The following ADAMTSL1 variants were observed in gnomAD, a reference collection of about 807,000 sequenced individuals.
ADAMTSL1 encodes ADAMTS like 1, also known as ADAMTS-like protein 1.
In ADAMTSL1, 126 loss-of-function variants were observed where a neutral mutation model predicts 201.8. The observed-to-expected ratio is 0.62, with a 90% CI of 0.54 to 0.72. ADAMTSL1 has a LOEUF of 0.72. Among genes scored for constraint, ADAMTSL1 ranks in the 30% least tolerant of loss-of-function variants. ADAMTSL1 has a pLI of 0.00. For synonymous variants in ADAMTSL1, 1,121 were observed against 903.4 expected (o/e 1.24, Z -4.32); for missense variants, 2,679 against 2,277.8 (o/e 1.18, Z -3.59).
chr9:18,547,239 G>C (rs570264328), intron 3 of ADAMTSL1, among the ~76,000 whole-genome samples: 1 of 152,190 alleles, frequency 6.6e-6, no homozygotes, highest in African/African-American at 2.4e-5. Flanking sequence ...ATTTGATGCA[G>C]AGTAAGTTAC....
chr9:18,775,656 C>G (rs1223329697), intron 17 of ADAMTSL1, 87 bp from the exon 18 acceptor site: 1 of 1,506,860 alleles, frequency 6.6e-7, no homozygotes, highest in Non-Finnish European at 9.0e-7. Context: ...GCAAATTTCT[C>G]ATATTTTGAT....
chr9:18,398,308 A>C (rs1210624770), intron 2 of ADAMTSL1, among the ~76,000 whole-genome samples: 2 of 152,200 alleles, frequency 1.3e-5, no homozygotes, highest in African/African-American at 4.8e-5. Flanking sequence ...GTATGAGGTC[A>C]TATTGAGTAA....
chr9:18,058,341 G>C (rs1822289344), intron 1 of ADAMTSL1, among the ~76,000 whole-genome samples: 1 of 152,138 alleles, frequency 6.6e-6, no homozygotes, highest in South Asian at 2.1e-4. Flanking sequence ...TCTACCAAGA[G>C]AAGAGACCAG....
chr9:18,548,880 A>T (rs894968500), intron 3 of ADAMTSL1, among the ~76,000 whole-genome samples: 4 of 152,026 alleles, frequency 2.6e-5, no homozygotes, highest in Admixed American at 6.6e-5. Context: ...TTATCCATAG[A>T]TAGGATAAAT....
At chr9:18,444,585 G>GT (rs1234090246) in intron 2 of ADAMTSL1, among the ~76,000 whole-genome samples, 4 of 152,096 alleles carry the variant, frequency 2.6e-5, no homozygotes, top group Non-Finnish European at 4.4e-5. Context: ...CAGATCCTCA[G>GT]TATTTCACCT....
chr9:18,625,298 T>A (rs377438259), intron 5 of ADAMTSL1, among the ~76,000 whole-genome samples: 1 of 151,634 alleles, frequency 6.6e-6, no homozygotes, highest in Admixed American at 6.6e-5. Context: ...CCTTATGTTA[T>A]CAAGCCTCAG....
chr9:18,301,878 A>T (rs1260395502), intron 2 of ADAMTSL1, among the ~76,000 whole-genome samples: 1 of 152,224 alleles, frequency 6.6e-6, no homozygotes, highest in East Asian at 1.9e-4. Context: ...TTGTGTGTGT[A>T]CATTATTTTG....
At chr9:17,917,518 C>G (rs1826142693) in intron 1 of ADAMTSL1, among the ~76,000 whole-genome samples, 1 of 151,934 alleles carries the variant, frequency 6.6e-6, no homozygotes, top group South Asian at 2.1e-4. Context: ...GAATGTTCAA[C>G]CTACCTTGCA....
At chr9:18,678,285 G>A (rs1830236903) in intron 10 of ADAMTSL1, among the ~76,000 whole-genome samples, 1 of 152,098 alleles carries the variant, frequency 6.6e-6, no homozygotes, top group Non-Finnish European at 1.5e-5. Context: ...TCTTGGATAT[G>A]TCTTTTTTTT....
intron 3 of ADAMTSL1, among the ~76,000 whole-genome samples, chr9:18,550,613 A>G (rs963303997): frequency 2.0e-5 from 3 of 151,872 alleles, no homozygotes; most frequent in Admixed American, 2.0e-4. Flanking sequence ...CGCAGCCTCT[A>G]AAAAGTAAGC....
chr9:17,964,503 C>G (rs571206719), intron 1 of ADAMTSL1, among the ~76,000 whole-genome samples: 22 of 152,280 alleles, frequency 1.4e-4, no homozygotes, highest in Admixed American at 3.3e-4. Context: ...GGTGACAAAA[C>G]TCTTCTGTGT....
intron 2 of ADAMTSL1, among the ~76,000 whole-genome samples, chr9:18,248,695 G>A (rs771972372): frequency 2.5e-4 from 38 of 152,124 alleles, no homozygotes; most frequent in Non-Finnish European, 4.4e-4. Flanking sequence ...TGCGGCAAAC[G>A]CATCGTCCAT....
chr9:17,991,903 G>C (rs1463487049), intron 1 of ADAMTSL1, among the ~76,000 whole-genome samples: 1 of 152,060 alleles, frequency 6.6e-6, no homozygotes, highest in East Asian at 1.9e-4. Flanking sequence ...CCCTGCCCCC[G>C]TGGTACCCTG....
At chr9:18,581,505 C>T (rs1823088254) in intron 4 of ADAMTSL1, among the ~76,000 whole-genome samples, 1 of 152,120 alleles carries the variant, frequency 6.6e-6, no homozygotes, top group Non-Finnish European at 1.5e-5. Context: ...AAGTTTTAAC[C>T]CATTTCAGAG....
At chr9:18,576,477 C>T (rs973331145) in intron 4 of ADAMTSL1, among the ~76,000 whole-genome samples, 3 of 152,136 alleles carry the variant, frequency 2.0e-5, no homozygotes, top group African/African-American at 7.2e-5. Flanking sequence ...TAATTTATTT[C>T]AAGTATACCT....
Position 18,680,341 on chromosome 9 carries a change from C to T in ADAMTSL1, c.1166C>T (p.Ser389Phe). The change falls in exon 11 of 29, where the codon TCC (serine) becomes TTC (phenylalanine). Residue 389 changes from serine (S) to phenylalanine (F), a missense_variant. Ser to Phe is a radical substitution (Grantham distance 155). Transcript: ENST00000380548. ...GAGGCCACCCCATGGACCGCGTGCT[C>T]CTCCTCGTGTGGGGGGGGCATCCAG... ...RWEATPWTACSSSCGGGIQSR... is the reference protein window; with the variant it reads ...RWEATPWTACFSSCGGGIQSR... 1 of 1,614,130 alleles carries T rather than the reference C, an allele frequency of 6.2e-7. No homozygotes were observed. Among genetic ancestry groups the T allele is most frequent in the East Asian group, 2.2e-5 (1 of 44,870 alleles).
intron 1 of ADAMTSL1, among the ~76,000 whole-genome samples, chr9:17,917,353 G>A (rs922078273): frequency 3.3e-5 from 5 of 151,946 alleles, no homozygotes; most frequent in Non-Finnish European, 7.4e-5. Flanking sequence ...TGTTAGGTGT[G>A]GGCTTTTTTG....
intron 2 of ADAMTSL1, among the ~76,000 whole-genome samples, chr9:18,518,397 T>C (rs963924185): frequency 5.3e-5 from 8 of 152,318 alleles, no homozygotes; most frequent in Non-Finnish European, 8.8e-5. Flanking sequence ...TGAAAACCTA[T>C]GGTATTTGAT....
At chr9:17,996,229 C>T (rs1819374726) in intron 1 of ADAMTSL1, among the ~76,000 whole-genome samples, 1 of 151,814 alleles carries the variant, frequency 6.6e-6, no homozygotes, top group South Asian at 2.1e-4. Context: ...ACTCTCCACC[C>T]ACCTCCTGCC....
Sources: gnomAD v4.1 joint callset for allele counts (sites outside exome capture counted in the v4.1 genomes callset) on GRCh38, gnomAD v4.1.1 for gene constraint, MANE v1.5 for transcripts, NCBI Gene and HGNC (gene_info 2026-07-23, HGNC 2026-07-21) for gene names.